Variants in SH3GL2 observed in about 807,000 individuals in gnomAD.
SH3GL2 encodes SH3 domain containing GRB2 like 2, endophilin A1, also known as endophilin-A1.
A neutral mutation model predicts 46.0 loss-of-function variants in SH3GL2; 24 were observed. The ratio of observed to expected loss-of-function variants is 0.52; its 90% confidence interval spans 0.38 to 0.73. The LOEUF (loss-of-function observed/expected upper bound fraction) is 0.73, where lower values mean the gene tolerates loss of function less well. Ranked by LOEUF, SH3GL2 falls within the 30% of genes least tolerant of loss-of-function variation. SH3GL2 has a pLI of 0.00. For synonymous variants in SH3GL2, 196 were observed against 147.1 expected (o/e 1.33, Z -2.40); for missense variants, 413 against 424.2 (o/e 0.97, Z 0.23).
At chr9:17,622,986 G>GTTCCGTTCCGTTCCTTTCCTTTCCTTTCC in intron 1 of SH3GL2, among the ~76,000 whole-genome samples, 1 of 99,412 alleles carries the variant, frequency 1.0e-5, no homozygotes, top group African/African-American at 4.3e-5. Context: ...GTTTCCTTTC[G>GTTCCGTTCCGTTCCTTTCCTTTCCTTTCC]TTTCCTTTCC....
At chr9:17,760,138 T>C (rs1823126249) in intron 2 of SH3GL2, among the ~76,000 whole-genome samples, 1 of 152,166 alleles carries the variant, frequency 6.6e-6, no homozygotes, top group African/African-American at 2.4e-5. Flanking sequence ...TTAAAGATCT[T>C]TGAAATTTGA....
chr9:17,610,354 A>G (rs1818837824), intron 1 of SH3GL2, among the ~76,000 whole-genome samples: 1 of 152,182 alleles, frequency 6.6e-6, no homozygotes, highest in Admixed American at 6.5e-5. Context: ...GTATTCAGTG[A>G]ACACTATGTT....
At chr9:17,582,244 A>C (rs1389980006) in intron 1 of SH3GL2, among the ~76,000 whole-genome samples, 1 of 150,474 alleles carries the variant, frequency 6.6e-6, no homozygotes, top group Non-Finnish European at 1.5e-5. Flanking sequence ...AGAGAAGAAA[A>C]TCCTTTCAGC....
intron 3 of SH3GL2, among the ~76,000 whole-genome samples, chr9:17,764,439 C>G (rs1051974715): frequency 5.9e-5 from 9 of 152,208 alleles, no homozygotes; most frequent in Non-Finnish European, 1.2e-4. Context: ...AAAGAATGTT[C>G]CCAAACTCGT....
chr9:17,694,472 C>T (rs1563815702), intron 1 of SH3GL2, among the ~76,000 whole-genome samples: 1 of 152,046 alleles, frequency 6.6e-6, no homozygotes. Context: ...ATACCCAGAT[C>T]GCTGGATTTG....
At chr9:17,603,493 G>A (rs1289619213) in intron 1 of SH3GL2, among the ~76,000 whole-genome samples, 1 of 152,196 alleles carries the variant, frequency 6.6e-6, no homozygotes, top group Non-Finnish European at 1.5e-5. Flanking sequence ...GGGGAGTTGT[G>A]TAACGGGTAC....
At chr9:17,704,386 A>G (rs534488181) in intron 1 of SH3GL2, among the ~76,000 whole-genome samples, 1 of 152,232 alleles carries the variant, frequency 6.6e-6, no homozygotes, top group South Asian at 2.1e-4. Context: ...TACAGATTTA[A>G]TGCCATTCCT....
intron 1 of SH3GL2, among the ~76,000 whole-genome samples, chr9:17,705,120 G>A (rs191921429): frequency 6.6e-6 from 1 of 151,606 alleles, no homozygotes; most frequent in African/African-American, 2.4e-5. Context: ...GCATACATGT[G>A]GCCAACAAGC....
intron 1 of SH3GL2, among the ~76,000 whole-genome samples, chr9:17,608,347 C>A (rs896834042): frequency 6.6e-6 from 1 of 151,932 alleles, no homozygotes; most frequent in African/African-American, 2.4e-5. Context: ...AGGGTTTCAC[C>A]GTGTTAGCCG....
At chr9:17,587,076 G>A (rs1818391468) in intron 1 of SH3GL2, among the ~76,000 whole-genome samples, 1 of 152,082 alleles carries the variant, frequency 6.6e-6, no homozygotes, top group Non-Finnish European at 1.5e-5. Context: ...GTGATGCACA[G>A]CTGTATTTCT....
chr9:17,611,040 A>C (rs763307039), intron 1 of SH3GL2, among the ~76,000 whole-genome samples: 9 of 152,180 alleles, frequency 5.9e-5, no homozygotes, highest in Non-Finnish European at 1.2e-4. Context: ...GGATTTTTCT[A>C]TATTTCTCTG....
chr9:17,764,591 A>T (rs2131156121), intron 3 of SH3GL2, among the ~76,000 whole-genome samples: 1 of 152,340 alleles, frequency 6.6e-6, no homozygotes, highest in East Asian at 1.9e-4. Flanking sequence ...TAACACATTT[A>T]CATGGACAGG....
At chr9:17,628,435 T>C (rs1046451004) in intron 1 of SH3GL2, among the ~76,000 whole-genome samples, 2 of 150,162 alleles carry the variant, frequency 1.3e-5, no homozygotes, top group African/African-American at 2.5e-5. Context: ...TGTGTGTGTG[T>C]GTGTGTGTGT....
In SH3GL2 at chr9:17,787,366, T is replaced by G. The variant is rs1236202512; in HGVS notation, c.332-14T>G. 6.2e-7 allele frequency: 1 copy of G among 1,607,540 alleles called. No individual in the cohort carries two copies. The highest frequency in any genetic ancestry group is 8.5e-7 in the Non-Finnish European group (1 of 1,177,214). ...CTTTATTCTGTAACATGAAAGAGCT[T>G]TATTCTCTCCTAGGCCCAGCACTTG... On this transcript the variant is annotated splice_polypyrimidine_tract_variant and intron_variant, in intron 4 of 8. Transcript: ENST00000380607.
chr9:17,744,247 CA>C (rs2118514683), intron 1 of SH3GL2, among the ~76,000 whole-genome samples: 1 of 152,266 alleles, frequency 6.6e-6, no homozygotes, highest in African/African-American at 2.4e-5. Flanking sequence ...GATAGGGAAT[CA>C]GTGTGACAGT....
chr9:17,693,984 T>C (rs1397959379), intron 1 of SH3GL2, among the ~76,000 whole-genome samples: 1 of 152,212 alleles, frequency 6.6e-6, no homozygotes, highest in Non-Finnish European at 1.5e-5. Context: ...TACGCTATAT[T>C]TTATTTTCCT....
intron 1 of SH3GL2, among the ~76,000 whole-genome samples, chr9:17,686,992 T>C (rs1016605682): frequency 6.6e-6 from 1 of 151,512 alleles, no homozygotes; most frequent in Non-Finnish European, 1.5e-5. Flanking sequence ...TGCAAAACAA[T>C]GGAATTGCAA....
intron 1 of SH3GL2, among the ~76,000 whole-genome samples, chr9:17,733,946 TCTTA>T (rs1472839826): frequency 1.3e-5 from 2 of 151,996 alleles, no homozygotes; most frequent in Admixed American, 1.3e-4. Flanking sequence ...TCTCACATTC[TCTTA>T]CTTAACCTCT....
At chr9:17,595,207 C>T (rs1818548462) in intron 1 of SH3GL2, among the ~76,000 whole-genome samples, 1 of 152,132 alleles carries the variant, frequency 6.6e-6, no homozygotes. Flanking sequence ...AGTTTTTAAC[C>T]ATGAGTCCTA....
Sources: allele counts gnomAD v4.1 joint callset (sites outside exome capture counted in the v4.1 genomes callset), GRCh38; gene constraint gnomAD v4.1.1; transcripts MANE v1.5; gene names NCBI Gene and HGNC (gene_info 2026-07-23, HGNC 2026-07-21).